Variants in EFNB2 observed in about 807,000 individuals in gnomAD.
EFNB2 encodes ephrin B2.
In EFNB2, 5 loss-of-function variants were observed where a neutral mutation model predicts 32.1. The observed-to-expected ratio is 0.16, with a 90% CI of 0.08 to 0.33. EFNB2 has a LOEUF of 0.33. Ranked by LOEUF, EFNB2 falls within the 10% of genes least tolerant of loss-of-function variation. EFNB2 has a pLI of 1.00. For synonymous variants in EFNB2, 168 were observed against 166.5 expected (o/e 1.01, Z -0.07); for missense variants, 263 against 422.6 (o/e 0.62, Z 3.31).
intron 2 of EFNB2, 64 bp downstream of exon 2, chr13:106,512,465 A>T: frequency 8.9e-7 from 1 of 1,122,192 alleles, no homozygotes; most frequent in Non-Finnish European, 1.2e-6. Flanking sequence ...GAAACAAAAA[A>T]TTGATACAAA....
chr13:106,529,365 A>C (rs1879801858), intron 1 of EFNB2, among the ~76,000 whole-genome samples: 1 of 152,220 alleles, frequency 6.6e-6, no homozygotes, highest in African/African-American at 2.4e-5. Flanking sequence ...GTTAAAAAGG[A>C]AAATCTCCCA....
chr13:106,503,672 T>A (rs1457217734), intron 2 of EFNB2, among the ~76,000 whole-genome samples: 1 of 152,194 alleles, frequency 6.6e-6, no homozygotes, highest in Non-Finnish European at 1.5e-5. Context: ...CCCAGCTCAC[T>A]GCCACAGGGC....
rs534131494 is a variant in EFNB2, at chr13:106,496,667, A to C, written c.407-827T>G. Reference sequence around the variant, plus strand: ...CACCTCAGCAGTGAGGAGTGGAAGGAAGGACAGAATCATTTTACCATTTTC... The same window carrying C: ...CACCTCAGCAGTGAGGAGTGGAAGGCAGGACAGAATCATTTTACCATTTTC... On this transcript the variant is annotated intron_variant, in intron 2 of 4. Coordinates refer to ENST00000646441, the MANE Select transcript of EFNB2 (RefSeq NM_004093.4). Among the ~76,000 whole-genome samples the C allele has an allele frequency of 4.0e-5, 6 of 151,812 alleles. No individual in the cohort carries two copies. In the South Asian group the frequency reaches 1.3e-3, roughly 32 times the overall value.
intron 3 of EFNB2, 31 bp from the exon 4 acceptor site, chr13:106,495,025 A>T (rs1182294183): frequency 6.4e-7 from 1 of 1,555,500 alleles, no homozygotes; most frequent in South Asian, 1.1e-5. Flanking sequence ...TAATTACGGC[A>T]CAGACATCTG....
chr13:106,531,482 G>A (rs1311028825), intron 1 of EFNB2, among the ~76,000 whole-genome samples: 1 of 152,178 alleles, frequency 6.6e-6, no homozygotes, highest in East Asian at 1.9e-4. Context: ...GCAAACTGTG[G>A]AGCATAGTTC....
chr13:106,494,877 A>G lies in EFNB2; in HGVS notation c.613+4T>C. The G allele has an allele frequency of 1.2e-6, 2 of 1,609,984 alleles. No homozygotes were observed. Among genetic ancestry groups the G allele is most frequent in the Non-Finnish European group, 1.7e-6 (2 of 1,176,246 alleles). On this transcript the variant is annotated splice_donor_region_variant and intron_variant, in intron 4 of 4. Coordinates refer to ENST00000646441, the MANE Select transcript of EFNB2 (RefSeq NM_004093.4). Reference sequence around the variant, plus strand: ...CTCCATACACACAGATCATGCTGTTATACCTGGATTTGGTTTTACAAAGGG... The same window carrying G: ...CTCCATACACACAGATCATGCTGTTGTACCTGGATTTGGTTTTACAAAGGG...
At chr13:106,525,498 T>C (rs1300424671) in intron 1 of EFNB2, among the ~76,000 whole-genome samples, 1 of 152,244 alleles carries the variant, frequency 6.6e-6, no homozygotes, top group Non-Finnish European at 1.5e-5. Context: ...CAGAGAATCC[T>C]GGGACGTGTT....
rs755103788 is a variant in EFNB2 at position 106,512,790 on chromosome 13, C to T, written c.145G>A (p.Val49Ile). 1 of 1,600,602 alleles carries T rather than the reference C, an allele frequency of 6.2e-7. No individual in the cohort carries two copies. Among genetic ancestry groups the T allele is most frequent in the South Asian group, 1.1e-5 (1 of 88,598 alleles). ...NSKFLPGQGL[V>I]LYPQIGDKLD... ...TTGTCTCCTATCTGTGGGTATAGTA[C>T]CAGTCCTTGTCCAGGTAGAAATCTA... is the stretch of plus-strand genomic sequence containing the variant. The change falls in exon 2 of 5, where the codon GTA (valine) becomes ATA (isoleucine). Residue 49 changes from valine (V) to isoleucine (I), a missense_variant. Physicochemically the swap from Val to Ile is conservative, Grantham distance 29. Around this residue, in one of 3 missense-constraint regions of EFNB2, gnomAD observed 46 missense variants for 56.9 expected, o/e 0.81. Coordinates refer to ENST00000646441, the MANE Select transcript of EFNB2 (RefSeq NM_004093.4).
intron 1 of EFNB2, among the ~76,000 whole-genome samples, chr13:106,533,437 G>C (rs754883918): frequency 6.6e-6 from 1 of 152,238 alleles, no homozygotes; most frequent in Non-Finnish European, 1.5e-5. Context: ...TATAATCCAT[G>C]CAAGAGCAGA....
chr13:106,508,497 T>G (rs1879032802), intron 2 of EFNB2, among the ~76,000 whole-genome samples: 1 of 152,126 alleles, frequency 6.6e-6, no homozygotes, highest in Admixed American at 6.5e-5. Flanking sequence ...ACTTGAAGAT[T>G]AGGAGATCTC....
In EFNB2 at chr13:106,535,647, G is replaced by T. The variant is rs1330998194; in HGVS notation, c.-683C>A. 5 of 150,644 alleles carry T rather than the reference G, an allele frequency of 3.3e-5. No individual in the cohort carries two copies. The highest frequency in any genetic ancestry group is 2.4e-5 in the African/African-American group (1 of 41,194). The allele number at this position is 150,644 out of a possible 1,614,324, so 9.3% of individuals were successfully genotyped here. ...CGCTCCGGCCGGCGCCGCGGTCCCC[G>T]CCGAGGAGAGTCAGCGCGGCCGCCG... On this transcript the variant is annotated 5_prime_UTR_variant, in exon 1 of 5. Coordinates refer to ENST00000646441, the MANE Select transcript of EFNB2 (RefSeq NM_004093.4).
At chr13:106,533,521 A>G (rs1389013920) in intron 1 of EFNB2, among the ~76,000 whole-genome samples, 1 of 152,238 alleles carries the variant, frequency 6.6e-6, no homozygotes, top group Non-Finnish European at 1.5e-5. Context: ...GCATCATACA[A>G]ACATTTGTTT....
chr13:106,513,881 T>G (rs1174398629), intron 1 of EFNB2, among the ~76,000 whole-genome samples: 1 of 152,206 alleles, frequency 6.6e-6, no homozygotes, highest in Non-Finnish European at 1.5e-5. Context: ...CCAGCCATGA[T>G]GACTACAGGG....
At chr13:106,497,462 T>TAAAA (rs34126138) in intron 2 of EFNB2, among the ~76,000 whole-genome samples, 1 of 146,950 alleles carries the variant, frequency 6.8e-6, no homozygotes, top group Admixed American at 6.8e-5. Context: ...GCAGACAGCT[T>TAAAA]AAAAAAAAAA....
intron 2 of EFNB2, among the ~76,000 whole-genome samples, chr13:106,501,252 G>T (rs1298347676): frequency 1.3e-5 from 2 of 152,006 alleles, no homozygotes; most frequent in African/African-American, 2.4e-5. Flanking sequence ...ATAAATGACT[G>T]TTTCTTTAAA....
At chr13:106,505,504 C>T (rs1363467262) in intron 2 of EFNB2, among the ~76,000 whole-genome samples, 1 of 152,190 alleles carries the variant, frequency 6.6e-6, no homozygotes, top group African/African-American at 2.4e-5. Context: ...GTGAAGGCCA[C>T]AACACTTCCC....
At chr13:106,495,093 C>A in intron 3 of EFNB2, 99 bp from the exon 4 acceptor site, 1 of 908,354 alleles carries the variant, frequency 1.1e-6, no homozygotes, top group Non-Finnish European at 1.8e-6. Context: ...TAGCAATGAA[C>A]ATAAGAGTCT....
intron 2 of EFNB2, 137 bp downstream of exon 2, chr13:106,512,392 A>AGGGGG (rs59267623): frequency 3.6e-6 from 1 of 280,428 alleles, no homozygotes; most frequent in Admixed American, 7.1e-5. Flanking sequence ...AAAAAAAAAA[A>AGGGGG]GGGGGGGGGG....
chr13:106,523,482 GAGGA>G (rs1879602715), intron 1 of EFNB2, among the ~76,000 whole-genome samples: 1 of 152,218 alleles, frequency 6.6e-6, no homozygotes, highest in African/African-American at 2.4e-5. Flanking sequence ...GGACAAGGAG[GAGGA>G]AGGAGGATGT....
Sources: gnomAD v4.1 joint callset for allele counts (sites outside exome capture counted in the v4.1 genomes callset) on GRCh38, gnomAD v4.1.1 for gene constraint, gnomAD v4.1.1 regional missense constraint, MANE v1.5 for transcripts, NCBI Gene and HGNC (gene_info 2026-07-23, HGNC 2026-07-21) for gene names.